The following ARSL variants were observed in gnomAD, a reference collection of about 807,000 sequenced individuals.
ARSL encodes the protein arylsulfatase E (chondrodysplasia punctata 1).
Under a neutral mutation model 31.1 loss-of-function variants are expected in ARSL, and 4 were observed. That is an observed-to-expected ratio of 0.13 (90% CI 0.06 to 0.29). The LOEUF is 0.29. Among genes scored for constraint, ARSL ranks in the 10% least tolerant of loss-of-function variants. ARSL has a pLI of 1.00. For missense variants in ARSL, 312 were observed against 497.8 expected (o/e 0.63, Z 3.55); for synonymous variants, 198 against 209.9 (o/e 0.94, Z 0.49).
chrX:2,937,194 G>T (rs1209194740), intron 9 of ARSL, among the ~76,000 whole-genome samples: 3 of 111,198 alleles, frequency 2.7e-5, no homozygotes, highest in African/African-American at 9.8e-5. Flanking sequence ...AGGAATTCGG[G>T]ATCAGCCTGG....
intron 3 of ARSL, among the ~76,000 whole-genome samples, chrX:2,956,184 C>A (rs2089521827): frequency 8.9e-6 from 1 of 112,033 alleles, no homozygotes; most frequent in Non-Finnish European, 1.9e-5. Context: ...GGTTTGACTT[C>A]ATGGACGCCA....
chrX:2,945,874 A>T, intron 7 of ARSL, 124 bp downstream of exon 7: 1 of 988,962 alleles, frequency 1.0e-6, no homozygotes, highest in Non-Finnish European at 1.4e-6. Context: ...TTGCACTCTT[A>T]AAATCCAATC....
intron 5 of ARSL, among the ~76,000 whole-genome samples, chrX:2,952,470 G>A (rs970434475): frequency 9.0e-6 from 1 of 110,921 alleles, no homozygotes; most frequent in Non-Finnish European, 1.9e-5. Context: ...CCTGACCAGA[G>A]TCACTTTTGT....
At position 2,936,870 on chromosome X, in the gene ARSL, G is replaced by A. The variant is rs2089209248; in HGVS notation, c.1290-7C>T. ...GTCTTGGCCGTCAATCACTCTGCAG[G>A]AAGGAACATGGCATGGCTCAGGGTT... On this transcript the variant is annotated splice_polypyrimidine_tract_variant and splice_region_variant and intron_variant, in intron 9 of 10. Coordinates refer to ENST00000381134, the MANE Select transcript of ARSL (RefSeq NM_000047.3). The A allele has an allele frequency of 8.3e-7, 1 of 1,211,673 alleles. No individual in the cohort carries two copies. The highest frequency in any genetic ancestry group is 3.0e-5 in the East Asian group (1 of 33,825).
In ARSL at chrX:2,944,015, C is replaced by A. The variant is rs193214799; in HGVS notation, c.992-816G>T. Among the ~76,000 whole-genome samples the A allele has an allele frequency of 5.7e-3, 630 of 109,670 alleles. 4 individuals carry two copies. The highest frequency in any genetic ancestry group is 9.7e-3 in the Non-Finnish European group (510 of 52,717). ...ACAACACAGCAAGAACTTGTCTCTA[C>A]AAATAATAAAAAAATTAGCCGGGTG... On this transcript the variant is annotated intron_variant, in intron 7 of 10. Coordinates refer to ENST00000381134, the MANE Select transcript of ARSL (RefSeq NM_000047.3).
At position 2,938,165 on chromosome X, in the gene ARSL, C is replaced by T. The variant is rs1272438892; in HGVS notation, c.1219G>A (p.Glu407Lys). The stretch of plus-strand genomic sequence containing the variant: ...AACACGTCCATCAGACTCGTGGGCT[C>T]GCCAATCACTCGGCCGGCCGGGAGC... ...GVLPAGRVIG[E>K]PTSLMDVFPT... Residue 407 changes from glutamate to lysine, a missense_variant, in exon 9 of 11, where the codon GAG (glutamate) becomes AAG (lysine). Glu to Lys is a moderately conservative substitution (Grantham distance 56). Transcript: ENST00000381134. The T allele has an allele frequency of 1.7e-6, 2 of 1,212,068 alleles. No homozygotes were observed. Among genetic ancestry groups the T allele is most frequent in the South Asian group, 1.8e-5 (1 of 57,018 alleles).
chrX:2,940,603 G>A (rs1367683618), intron 8 of ARSL, among the ~76,000 whole-genome samples: 2 of 111,984 alleles, frequency 1.8e-5, no homozygotes, highest in Non-Finnish European at 3.8e-5. Context: ...GCTATGAGTA[G>A]AGGATTTTTT....
chrX:2,951,225 TG>T (rs1255802154), intron 5 of ARSL, among the ~76,000 whole-genome samples: 1 of 111,780 alleles, frequency 8.9e-6, no homozygotes, highest in Admixed American at 9.6e-5. Flanking sequence ...ATCAGCAGCA[TG>T]GGCAAAAGAC....
intron 1 of ARSL, among the ~76,000 whole-genome samples, chrX:2,963,064 G>A (rs1255408222): frequency 2.7e-5 from 3 of 111,890 alleles, no homozygotes; most frequent in Non-Finnish European, 5.6e-5. Context: ...TCTGTCTGTC[G>A]AAGAGAAAAA....
At chrX:2,956,744 G>A (rs2089529475) in intron 3 of ARSL, among the ~76,000 whole-genome samples, 1 of 108,764 alleles carries the variant, frequency 9.2e-6, no homozygotes, top group South Asian at 4.2e-4. Context: ...GATTACAGGC[G>A]TGAGCCACCA....
intron 1 of ARSL, 103 bp from the exon 2 acceptor site, chrX:2,960,523 A>G: frequency 2.6e-6 from 2 of 771,967 alleles, no homozygotes; most frequent in Non-Finnish European, 1.9e-6. Flanking sequence ...ATTCCCGTTC[A>G]TGATATCAAT....
In ARSL at chrX:2,950,979, T is replaced by G. The variant is rs773114188; in HGVS notation, c.431-1252A>C. Among the ~76,000 whole-genome samples the G allele has an allele frequency of 2.7e-5, 3 of 111,521 alleles. No homozygotes were observed. The South Asian group carries it at 1.2e-3, about 43-fold the overall frequency. On this transcript the variant is annotated intron_variant, in intron 5 of 10. Transcript: ENST00000381134. ...TCTCCTCTCTGTGGCCCAATCTTCC[T>G]CTACCTCCATGTTAAACGAAGCCTT...
At chrX:2,958,992 C>T (rs1245363521) in intron 2 of ARSL, among the ~76,000 whole-genome samples, 1 of 111,906 alleles carries the variant, frequency 8.9e-6, no homozygotes, top group East Asian at 2.8e-4. Context: ...ACAACAGCAA[C>T]AAGAAAAAGC....
chrX:2,954,726 G>A (rs139558565), intron 4 of ARSL, among the ~76,000 whole-genome samples: 1 of 111,774 alleles, frequency 8.9e-6, no homozygotes, highest in Admixed American at 9.6e-5. Context: ...CACAGTTTCT[G>A]ATAGTTTATT....
rs770324517 is a variant in ARSL at position 2,964,189 on chromosome X, C to T, written c.-21+35G>A. ...GCTATTCATGCCTGGTCACGGAGCC[C>T]AAATCCAGCACAAATGAACATTCAC... On this transcript the variant is annotated intron_variant, in intron 1 of 10. Coordinates refer to ENST00000381134, the MANE Select transcript of ARSL (RefSeq NM_000047.3). 17 of 752,375 alleles carry T rather than the reference C, an allele frequency of 2.3e-5. No homozygotes were observed. The African/African-American group carries it at 3.9e-4, about 17-fold the overall frequency. 62.0% of individuals were successfully genotyped at this position (752,375 alleles called of 1,213,427 possible).
chrX:2,942,520 G>C (rs1195252273), intron 8 of ARSL, among the ~76,000 whole-genome samples: 4 of 111,025 alleles, frequency 3.6e-5, no homozygotes, highest in African/African-American at 1.3e-4. Flanking sequence ...TCAAATTCCT[G>C]ACTTCAGGTG....
At chrX:2,957,190 C>T (rs1009755286) in intron 3 of ARSL, among the ~76,000 whole-genome samples, 10 of 105,312 alleles carry the variant, frequency 9.5e-5, no homozygotes, top group Non-Finnish European at 1.7e-4. Flanking sequence ...CACTGCACTC[C>T]AGCCTGGGTG....
intron 8 of ARSL, among the ~76,000 whole-genome samples, chrX:2,940,868 A>G (rs1165728327): frequency 8.9e-6 from 1 of 111,984 alleles, no homozygotes; most frequent in African/African-American, 3.2e-5. Context: ...CCCAGGAGGC[A>G]AAGGTTGCGG....
chrX:2,938,002 C>T (rs767613131), intron 9 of ARSL, 93 bp downstream of exon 9: 15 of 1,149,081 alleles, frequency 1.3e-5, no homozygotes, highest in East Asian at 6.0e-5. Context: ...ATTTCAGGGA[C>T]GCCTTACTGC....
Sources: allele counts gnomAD v4.1 joint callset (sites outside exome capture counted in the v4.1 genomes callset), GRCh38; gene constraint gnomAD v4.1.1; transcripts MANE v1.5; gene names NCBI Gene and HGNC (gene_info 2026-07-23, HGNC 2026-07-21).